CATIP: variants seen among roughly 807,000 people sequenced by gnomAD.
The protein encoded by CATIP is ciliogenesis associated TTC17 interacting protein.
A neutral mutation model predicts 42.5 loss-of-function variants in CATIP; 40 were observed. The observed-to-expected ratio is 0.94, with a 90% CI of 0.73 to 1.22. The LOEUF (loss-of-function observed/expected upper bound fraction) is 1.22, where lower values mean the gene tolerates loss of function less well. Ranked by LOEUF, CATIP falls within the 50% of genes most tolerant of loss-of-function variation. The pLI is 0.00. For missense variants in CATIP, 489 were observed against 496.0 expected (o/e 0.99, Z 0.13); for synonymous variants, 222 against 200.2 (o/e 1.11, Z -0.92).
chr2:218,367,124 C>T, intron 8 of CATIP, 24 bp downstream of exon 8: 5 of 1,580,506 alleles, frequency 3.2e-6, no homozygotes, highest in Non-Finnish European at 4.3e-6. Flanking sequence ...AGGCCTTGTG[C>T]AGGCAGGGAG....
At chr2:218,357,857 G>A (rs573757108) in intron 3 of CATIP, 123 bp downstream of exon 3, 57 of 1,165,902 alleles carry the variant, frequency 4.9e-5, no homozygotes, top group South Asian at 4.8e-4. Context: ...GACAAGGCAC[G>A]GGGTGGGAGA....
chr2:218,357,010 C>G, intron 1 of CATIP, 85 bp from the exon 2 acceptor site: 1 of 1,571,738 alleles, frequency 6.4e-7, no homozygotes, highest in Non-Finnish European at 8.7e-7. Flanking sequence ...GGTGCTGGGG[C>G]CAGGACTGAG....
chr2:218,367,048 G>T lies in CATIP; in HGVS notation c.780G>T (p.Val260=). 6.2e-7 allele frequency: 1 copy of T among 1,613,852 alleles called. No individual in the cohort carries two copies. The highest frequency in any genetic ancestry group is 8.5e-7 in the Non-Finnish European group (1 of 1,179,782). Reference sequence around the variant, plus strand: ...GGCACCTGGCCAAGAGAATACAGGTGGGCTCCCCAGGGTGCTGCATCATCA... The same window carrying T: ...GGCACCTGGCCAAGAGAATACAGGTTGGCTCCCCAGGGTGCTGCATCATCA... ...SDGHLAKRIQ[V]GSPGCCIITK... is the part of the protein sequence containing the mutation. The change falls in exon 8 of 10, where the codon GTG becomes GTT. Residue 260 remains valine (V), a synonymous_variant. Coordinates refer to ENST00000289388, the MANE Select transcript of CATIP (RefSeq NM_198559.2).
rs764364540 is a variant in CATIP, at chr2:218,362,832, G to A, written c.560G>A (p.Arg187Gln). The A allele has an allele frequency of 9.9e-6, 16 of 1,613,930 alleles. No homozygotes were observed. Among genetic ancestry groups the A allele is most frequent in the African/African-American group, 5.3e-5 (4 of 74,916 alleles). ...NLVLLRVMAW[R>Q]RMVPSNARFL... ...GTGCTGCTCAGGGTGATGGCCTGGC[G>A]GCGGATGGTGCCCAGCAATGCCCGC... The change falls in exon 6 of 10, where the codon CGG becomes CAG. Residue 187 changes from arginine (R) to glutamine (Q), a missense_variant. Transcript: ENST00000289388.
intron 4 of CATIP, among the ~76,000 whole-genome samples, chr2:218,359,970 C>A (rs1695178391): frequency 6.6e-6 from 1 of 150,654 alleles, no homozygotes; most frequent in Non-Finnish European, 1.5e-5. Context: ...GAATTACAGA[C>A]ATGCACCACC....
chr2:218,357,051 C>T, intron 1 of CATIP, 44 bp from the exon 2 acceptor site: 18 of 1,584,712 alleles, frequency 1.1e-5, no homozygotes, highest in Non-Finnish European at 1.6e-5. Context: ...GACCCCTGCC[C>T]TTCTCCCCAG....
chr2:218,357,495 G>A (rs1303831409), intron 2 of CATIP, 39 bp from the exon 3 acceptor site: 4 of 1,563,172 alleles, frequency 2.6e-6, no homozygotes, highest in East Asian at 2.2e-5. Context: ...GGGCCCAGGA[G>A]CAGGGGCTTT....
chr2:218,362,718 A>G lies in CATIP; in HGVS notation c.463-17A>G, dbSNP rs1268880081. On this transcript the variant is annotated splice_polypyrimidine_tract_variant and intron_variant, in intron 5 of 9. Transcript: ENST00000289388. ...CTTCCTGGTTCCAGGACCCTGACCC[A>G]GATCAGTTCTGAACAGGAAGTGAAG... The G allele has an allele frequency of 6.2e-7, 1 of 1,611,034 alleles. No homozygotes were observed. The highest frequency in any genetic ancestry group is 1.7e-5 in the Admixed American group (1 of 59,872).
chr2:218,358,755 G>A (rs565497702), intron 4 of CATIP, among the ~76,000 whole-genome samples: 4 of 151,544 alleles, frequency 2.6e-5, no homozygotes, highest in Non-Finnish European at 5.9e-5. Flanking sequence ...GTGGTAATGT[G>A]TGTCTGTAGT....
Position 218,367,027 on chromosome 2 carries a change from C to T in CATIP, c.759C>T (p.His253=), listed in dbSNP as rs772996111. 3.1e-6 allele frequency: 5 copies of T among 1,613,194 alleles called. No homozygotes were observed. The Admixed American group carries it at 8.3e-5, about 27-fold the overall frequency. The change falls in exon 8 of 10, where the codon CAC becomes CAT. Residue 253 remains histidine, a synonymous_variant. Coordinates refer to ENST00000289388, the MANE Select transcript of CATIP (RefSeq NM_198559.2). ...SCQYYLLSDG[H]LAKRIQVGSP... is the part of the protein sequence containing the mutation. ...CACATGTTGTGTTGCACTCCAGGCA[C>T]CTGGCCAAGAGAATACAGGTGGGCT...
rs4674296 is a variant in CATIP, at chr2:218,360,439, T to A, written c.376-134T>A. 62 of 662,238 alleles carry A rather than the reference T, an allele frequency of 9.4e-5. 1 individual carries two copies. The East Asian group carries it at 1.4e-3, about 15-fold the overall frequency. The allele number at this position is 662,238 out of a possible 1,614,324, so 41.0% of individuals were successfully genotyped here. Reference sequence around the variant, plus strand: ...TGCTAGGATTACAGGCGTGAGCCACTGTGCCCGGCCCGGCTGCTTTTTTTT... The same window carrying A: ...TGCTAGGATTACAGGCGTGAGCCACAGTGCCCGGCCCGGCTGCTTTTTTTT... On this transcript the variant is annotated intron_variant, in intron 4 of 9. Transcript: ENST00000289388.
chr2:218,357,950 G>C, intron 3 of CATIP, 87 bp from the exon 4 acceptor site: 2 of 1,297,972 alleles, frequency 1.5e-6, no homozygotes, highest in South Asian at 2.4e-5. Flanking sequence ...ATTACACCTA[G>C]TCCTCCAGCT....
At chr2:218,365,045 T>C (rs950751701) in intron 7 of CATIP, among the ~76,000 whole-genome samples, 16 of 152,110 alleles carry the variant, frequency 1.1e-4, no homozygotes, top group African/African-American at 3.6e-4. Context: ...GCACACTTGA[T>C]GAAATCACTG....
Position 218,357,528 on chromosome 2 carries a change from C to T in CATIP, c.119-6C>T, listed in dbSNP as rs865811462. ...TTTATCTGTTCCCACGGGCCCCTCA[C>T]CCCAGACAAGGAGGAGCTACAGATG... On this transcript the variant is annotated splice_region_variant and splice_polypyrimidine_tract_variant and intron_variant, in intron 2 of 9. Transcript: ENST00000289388. 6.2e-7 allele frequency: 1 copy of T among 1,612,858 alleles called. No individual in the cohort carries two copies. Among genetic ancestry groups the T allele is most frequent in the South Asian group, 1.1e-5 (1 of 91,024 alleles).
chr2:218,365,185 C>T (rs1302354051), intron 7 of CATIP, among the ~76,000 whole-genome samples: 4 of 152,078 alleles, frequency 2.6e-5, no homozygotes, highest in African/African-American at 4.8e-5. Context: ...GAGGCTGAGG[C>T]GGGCGGATCA....
rs746087296 is a variant in CATIP, at chr2:218,367,090, G to A, written c.822G>A (p.Leu274=). 1.9e-6 allele frequency: 3 copies of A among 1,612,774 alleles called. No homozygotes were observed. The Admixed American group carries it at 5.0e-5, about 27-fold the overall frequency. ...GCATCATCACCAAGATGCCCATCTT[G>A]AGGGAAGAGGGTGAGTGAAGCCCAG... is the stretch of plus-strand genomic sequence containing the variant. ...GCCIITKMPI[L]REEDEIEPRP... is the part of the protein sequence containing the mutation. The change falls in exon 8 of 10, where the codon TTG becomes TTA. Residue 274 remains leucine, a synonymous_variant. Coordinates refer to ENST00000289388, the MANE Select transcript of CATIP (RefSeq NM_198559.2).
rs1472901284 is a variant in CATIP at position 218,357,736 on chromosome 2, T to A, written c.319+2T>A. On this transcript the variant is annotated splice_donor_variant, in intron 3 of 9. Coordinates refer to ENST00000289388, the MANE Select transcript of CATIP (RefSeq NM_198559.2). LOFTEE classifies it high-confidence loss of function. ...TGCTCTGCGGAAATTCCCTCCTGGG[T>A]AGCGTTCCTACTGCCTGATGCCCGT... 6.2e-6 allele frequency: 10 copies of A among 1,612,036 alleles called. No homozygotes were observed. The highest frequency in any genetic ancestry group is 8.5e-6 in the Non-Finnish European group (10 of 1,179,546).
At chr2:218,357,215 G>A (rs1202803400) in intron 2 of CATIP, 28 bp downstream of exon 2, 3 of 1,554,492 alleles carry the variant, frequency 1.9e-6, no homozygotes, top group Non-Finnish European at 8.8e-7. Flanking sequence ...CGGGGTTGGG[G>A]GTGCGGGAGG....
Position 218,367,714 on chromosome 2 carries a change from C to T in CATIP, c.922-8C>T, listed in dbSNP as rs1015274923. 6.3e-7 allele frequency: 1 copy of T among 1,590,576 alleles called. No individual in the cohort carries two copies. The highest frequency in any genetic ancestry group is 1.3e-5 in the African/African-American group (1 of 74,424). The stretch of plus-strand genomic sequence containing the variant: ...TCCGGCTGAGGCTCGGGCTCTGTCC[C>T]CTGCCAGGAGGAGCTCCGGCTCGGC... On this transcript the variant is annotated splice_region_variant and splice_polypyrimidine_tract_variant and intron_variant, in intron 9 of 9. Coordinates refer to ENST00000289388, the MANE Select transcript of CATIP (RefSeq NM_198559.2).
Sources: allele counts gnomAD v4.1 joint callset (sites outside exome capture counted in the v4.1 genomes callset), GRCh38; gene constraint gnomAD v4.1.1; transcripts MANE v1.5; gene names NCBI Gene and HGNC (gene_info 2026-07-23, HGNC 2026-07-21).